The following FRYL variants were observed in gnomAD, a reference collection of about 807,000 sequenced individuals.
FRYL encodes the protein protein furry homolog-like.
A neutral mutation model predicts 351.2 loss-of-function variants in FRYL; 150 were observed. That is an observed-to-expected ratio of 0.43 (90% confidence interval 0.37 to 0.49). The LOEUF is 0.49. Among genes scored for constraint, FRYL ranks in the 20% least tolerant of loss-of-function variants. The probability of loss-of-function intolerance (pLI) is 0.00; values close to 1 mark genes in which losing one functional copy is unlikely to be tolerated. For synonymous variants in FRYL, 1,153 were observed against 1,257.1 expected (o/e 0.92, Z 1.75); for missense variants, 3,036 against 3,619.3 (o/e 0.84, Z 4.13).
At chr4:48,598,545 G>C (rs1407775378) in intron 13 of FRYL, among the ~76,000 whole-genome samples, 1 of 152,112 alleles carries the variant, frequency 6.6e-6, no homozygotes, top group Non-Finnish European at 1.5e-5. Context: ...ATTTATAACA[G>C]CTAGATAATG....
At chr4:48,616,607 A>G (rs1016655531) in intron 7 of FRYL, among the ~76,000 whole-genome samples, 5 of 152,210 alleles carry the variant, frequency 3.3e-5, no homozygotes, top group African/African-American at 1.2e-4. Context: ...AGTTGGCACA[A>G]AAGAGATAGA....
At chr4:48,609,926 TGG>T (rs1747714944) in intron 7 of FRYL, 103 bp from the exon 8 acceptor site, 1 of 551,576 alleles carries the variant, frequency 1.8e-6, no homozygotes, top group African/African-American at 2.0e-5. Context: ...TTAATGTTCA[TGG>T]GATTATTACT....
intron 17 of FRYL, among the ~76,000 whole-genome samples, 198 bp from the exon 18 acceptor site, chr4:48,590,075 C>G (rs1055745995): frequency 6.6e-6 from 1 of 152,108 alleles, no homozygotes; most frequent in African/African-American, 2.4e-5. Context: ...GAAAATTATG[C>G]AGAGGACTAA....
chr4:48,671,615 C>T (rs1341360550), intron 3 of FRYL, among the ~76,000 whole-genome samples: 3 of 151,802 alleles, frequency 2.0e-5, no homozygotes, highest in Non-Finnish European at 2.9e-5. Context: ...TGTGGTGAGC[C>T]GAGATTGCAC....
At chr4:48,539,048 A>G (rs940907322) in intron 47 of FRYL, among the ~76,000 whole-genome samples, 1 of 152,196 alleles carries the variant, frequency 6.6e-6, no homozygotes, top group Admixed American at 6.5e-5. Context: ...TTTTAAACAA[A>G]TGTTAACAGA....
intron 1 of FRYL, among the ~76,000 whole-genome samples, chr4:48,772,339 TTGCACCAC>T (rs1775598352): frequency 1.3e-5 from 2 of 152,144 alleles, no homozygotes; most frequent in South Asian, 4.1e-4. Context: ...TGAGCCGTGA[TTGCACCAC>T]TGCACTCCAG....
At chr4:48,614,813 T>C (rs1337993421) in intron 7 of FRYL, among the ~76,000 whole-genome samples, 4 of 112,530 alleles carry the variant, frequency 3.6e-5, no homozygotes. Context: ...AAAAGTTTAA[T>C]GCTTTTTTTT....
At chr4:48,739,763 C>T (rs1474297490) in intron 1 of FRYL, among the ~76,000 whole-genome samples, 5 of 152,110 alleles carry the variant, frequency 3.3e-5, no homozygotes, top group South Asian at 4.1e-4. Flanking sequence ...ACTTAATCCT[C>T]GATGTGGTAG....
chr4:48,526,052 C>A (rs1726137223), intron 53 of FRYL, among the ~76,000 whole-genome samples: 1 of 146,052 alleles, frequency 6.8e-6, no homozygotes, highest in Admixed American at 6.8e-5. Context: ...TGTATATGTA[C>A]ATGAGAGTTG....
chr4:48,565,348 G>A (rs1736538314), intron 29 of FRYL, among the ~76,000 whole-genome samples, 183 bp downstream of exon 29: 1 of 152,148 alleles, frequency 6.6e-6, no homozygotes, highest in Non-Finnish European at 1.5e-5. Context: ...AATTTGAGTA[G>A]ATTCTGGAAC....
intron 42 of FRYL, 76 bp downstream of exon 42, chr4:48,545,991 T>C (rs1731255086): frequency 1.5e-6 from 2 of 1,317,060 alleles, no homozygotes; most frequent in Admixed American, 2.0e-5. Context: ...AACAAAAATA[T>C]GGCTCATAAT....
At chr4:48,629,263 A>G (rs768147791) in intron 4 of FRYL, among the ~76,000 whole-genome samples, 2 of 152,180 alleles carry the variant, frequency 1.3e-5, no homozygotes, top group Non-Finnish European at 2.9e-5. Flanking sequence ...CTGTAATTGG[A>G]GATGGCAGGT....
chr4:48,772,988 T>C (rs1194408628), intron 1 of FRYL, among the ~76,000 whole-genome samples: 1 of 152,238 alleles, frequency 6.6e-6, no homozygotes, highest in African/African-American at 2.4e-5. Context: ...CCTGGAAAGA[T>C]CAAGGAAGCA....
At chr4:48,643,281 T>C (rs1219148940) in intron 3 of FRYL, among the ~76,000 whole-genome samples, 1 of 152,118 alleles carries the variant, frequency 6.6e-6, no homozygotes, top group African/African-American at 2.4e-5. Context: ...GAGTCCTCTG[T>C]AGCTTAGAGG....
chr4:48,667,469 T>A (rs1387099391), intron 3 of FRYL, among the ~76,000 whole-genome samples: 1 of 146,586 alleles, frequency 6.8e-6, no homozygotes, highest in Non-Finnish European at 1.5e-5. Context: ...ATTTTAGCAA[T>A]CATTTATCAT....
chr4:48,608,849 G>A, intron 9 of FRYL, 138 bp downstream of exon 9: 1 of 651,538 alleles, frequency 1.5e-6, no homozygotes, highest in Non-Finnish European at 2.8e-6. Flanking sequence ...AAACAGAGCA[G>A]TAAAGTAATA....
chr4:48,742,623 T>C (rs1378007519), intron 1 of FRYL, among the ~76,000 whole-genome samples: 2 of 152,164 alleles, frequency 1.3e-5, no homozygotes, highest in African/African-American at 2.4e-5. Context: ...GTATTAGTCA[T>C]GCACTAGCAC....
At position 48,586,728 on chromosome 4, in the gene FRYL, C is replaced by T; in HGVS notation, c.1641G>A (p.Thr547=). 1 of 1,578,154 alleles carries T rather than the reference C, an allele frequency of 6.3e-7. No individual in the cohort carries two copies. The highest frequency in any genetic ancestry group is 1.4e-5 in the African/African-American group (1 of 73,544). Residue 547 remains threonine, a splice_region_variant and synonymous_variant, in exon 19 of 64, where the codon ACG becomes ACA. Coordinates refer to ENST00000358350, the MANE Select transcript of FRYL (RefSeq NM_015030.2). ...MSNKEPEDMI[T]GERKPKIDLF... is the part of the protein sequence containing the mutation. Reference sequence around the variant, plus strand: ...AATCAATCTTGGGTTTTCTTTCCCCCCTGAAAAATACAACAGGATTTAATA... The same window carrying T: ...AATCAATCTTGGGTTTTCTTTCCCCTCTGAAAAATACAACAGGATTTAATA...
At chr4:48,713,591 C>G (rs1236447248) in intron 1 of FRYL, among the ~76,000 whole-genome samples, 2 of 152,112 alleles carry the variant, frequency 1.3e-5, no homozygotes, top group Non-Finnish European at 2.9e-5. Context: ...TAGATATGCA[C>G]CCAATACAGG....
Sources: allele counts gnomAD v4.1 joint callset (sites outside exome capture counted in the v4.1 genomes callset), GRCh38; gene constraint gnomAD v4.1.1; transcripts MANE v1.5; gene names NCBI Gene and HGNC (gene_info 2026-07-23, HGNC 2026-07-21).